ERN1: variants seen among roughly 807,000 people sequenced by gnomAD.
ERN1 encodes the protein endoplasmic reticulum to nucleus signaling 1.
Under a neutral mutation model 113.1 loss-of-function variants are expected in ERN1, and 39 were observed. The ratio of observed to expected loss-of-function variants is 0.34; its 90% CI spans 0.27 to 0.45. The LOEUF is 0.45. ERN1 is among the 20% of genes least tolerant of loss of function. The probability of loss-of-function intolerance (pLI) is 1.00; values close to 1 mark genes in which losing one functional copy is unlikely to be tolerated. For missense variants in ERN1, 976 were observed against 1,274.8 expected (o/e 0.77, Z 3.57); for synonymous variants, 507 against 515.9 (o/e 0.98, Z 0.23).
Position 64,054,645 on chromosome 17 carries a change from C to A in ERN1, c.1763+93G>T. 9.0e-7 allele frequency: 1 copy of A among 1,107,998 alleles called. No individual in the cohort carries two copies. The highest frequency in any genetic ancestry group is 1.5e-5 in the South Asian group (1 of 67,336). The allele number at this position is 1,107,998 out of a possible 1,614,324, so 68.6% of individuals were successfully genotyped here. On this transcript the variant is annotated intron_variant, in intron 14 of 21. Coordinates refer to ENST00000433197, the MANE Select transcript of ERN1 (RefSeq NM_001433.5). This position sits in a 1 kb window ranked among gnomAD's most constrained non-coding sequence, Gnocchi z 4.9. ...CCATGCGTCTAGGTCACTGCTTTGACCCTGCTGTGCTCTGAGCCTGGCACC... is the reference window on the plus strand; with the variant it reads ...CCATGCGTCTAGGTCACTGCTTTGAACCTGCTGTGCTCTGAGCCTGGCACC...
chr17:64,090,127 C>T (rs930418938), intron 2 of ERN1, among the ~76,000 whole-genome samples: 5 of 152,146 alleles, frequency 3.3e-5, no homozygotes, highest in Admixed American at 2.6e-4. Context: ...AATTTTAAGA[C>T]AGAAAGTCTC....
Position 64,054,779 on chromosome 17 carries a change from C to A in ERN1, c.1722G>T (p.Lys574Asn). Residue 574 changes from lysine to asparagine, a missense_variant, in exon 14 of 22, where the codon AAG (lysine) becomes AAT (asparagine). Lys to Asn is a moderately conservative substitution (Grantham distance 94). Around this residue, in one of 5 missense-constraint regions of ERN1, gnomAD observed 112 missense variants for 106.2 expected, o/e 1.05. Coordinates refer to ENST00000433197, the MANE Select transcript of ERN1 (RefSeq NM_001433.5). This position sits in a 1 kb window ranked among gnomAD's most constrained non-coding sequence, Gnocchi z 4.9. ...CCTCAGCTCCATGGCCCAGGACATC[C>A]TTGGGACAGAAGGAAATTTTCCCAA... ...VIVGKISFCP[K>N]DVLGHGAEGT... The A allele has an allele frequency of 6.2e-7, 1 of 1,610,564 alleles. No homozygotes were observed. Among genetic ancestry groups the A allele is most frequent in the Non-Finnish European group, 8.5e-7 (1 of 1,178,748 alleles).
Position 64,065,300 on chromosome 17 carries a change from C to CA in ERN1, c.843-14dup, listed in dbSNP as rs1679506975. ...ATACAGAGTGGGCCTAGGAGAAAAA[C>CA]AGATACATGCATTCCAGAGTCATTG... On this transcript the variant is annotated splice_polypyrimidine_tract_variant and intron_variant, in intron 8 of 21. Coordinates refer to ENST00000433197, the MANE Select transcript of ERN1 (RefSeq NM_001433.5). 2 of 1,564,824 alleles carry CA rather than the reference C, an allele frequency of 1.3e-6. No homozygotes were observed. The highest frequency in any genetic ancestry group is 2.7e-5 in the African/African-American group (2 of 73,712).
At chr17:64,102,674 T>C in intron 1 of ERN1, 1 of 985,432 alleles carries the variant, frequency 1.0e-6, no homozygotes, top group Non-Finnish European at 1.2e-6. Flanking sequence ...TATTTGTACC[T>C]GAACACTGAA....
At position 64,102,636 on chromosome 17, in the gene ERN1, T is replaced by C. The variant is rs904839615; in HGVS notation, c.55-4395A>G. On this transcript the variant is annotated intron_variant, in intron 1 of 21. Coordinates refer to ENST00000433197, the MANE Select transcript of ERN1 (RefSeq NM_001433.5). ...TGAATTAAACATGTTTCCAGATGCC[T>C]TGTGTGATACTGAGCACAGCTGAGA... 1.3e-5 allele frequency: 13 copies of C among 981,228 alleles called. No individual in the cohort carries two copies. In the Admixed American group the frequency reaches 2.5e-4, roughly 19 times the overall value. 60.8% of individuals were successfully genotyped at this position (981,228 alleles called of 1,614,324 possible).
chr17:64,111,347 G>A (rs576510489), intron 1 of ERN1, among the ~76,000 whole-genome samples: 1 of 151,008 alleles, frequency 6.6e-6, no homozygotes, highest in South Asian at 2.1e-4. Flanking sequence ...TAGCCTGGAG[G>A]TCATCCAATG....
At chr17:64,126,946 C>T (rs1422177172) in intron 1 of ERN1, among the ~76,000 whole-genome samples, 1 of 152,150 alleles carries the variant, frequency 6.6e-6, no homozygotes, top group Non-Finnish European at 1.5e-5. Flanking sequence ...CTTTGCCTCA[C>T]ATTGTACTGA....
chr17:64,097,736 A>C (rs1022305374), intron 2 of ERN1, among the ~76,000 whole-genome samples: 1 of 152,224 alleles, frequency 6.6e-6, no homozygotes, highest in South Asian at 2.1e-4. Flanking sequence ...CAAATGAGTA[A>C]TTTGAGGTGT....
intron 20 of ERN1, 74 bp downstream of exon 20, chr17:64,045,285 T>C: frequency 6.3e-7 from 1 of 1,592,222 alleles, no homozygotes; most frequent in South Asian, 1.1e-5. Context: ...GGAGCGGCCA[T>C]TTCCACGTTT....
intron 1 of ERN1, among the ~76,000 whole-genome samples, chr17:64,122,107 C>T (rs901411800): frequency 1.3e-5 from 2 of 152,212 alleles, no homozygotes; most frequent in African/African-American, 4.8e-5. Flanking sequence ...CCAACATACG[C>T]ACCAGAACAT....
rs196914 is a variant in ERN1 at position 64,044,594 on chromosome 17, C to T, written c.2721+266G>A. On this transcript the variant is annotated intron_variant, in intron 21 of 21. Transcript: ENST00000433197. The surrounding 1 kb of genome is among the most constrained non-coding windows in gnomAD (Gnocchi z 4.1). ...GCTGCATCAGACAGGGAGAGGGCCCCACAAAAGTCAGCGACCAGAGACCAT... is the reference window on the plus strand; with the variant it reads ...GCTGCATCAGACAGGGAGAGGGCCCTACAAAAGTCAGCGACCAGAGACCAT... 0.45 allele frequency among the ~76,000 whole-genome samples: 68,819 copies of T among 152,166 alleles called. 18,927 individuals carry two copies. Among genetic ancestry groups the T allele is most frequent in the Non-Finnish European group, 0.62 (42,048 of 67,996 alleles).
intron 1 of ERN1, among the ~76,000 whole-genome samples, chr17:64,100,677 A>G (rs993609245): frequency 1.3e-5 from 2 of 152,180 alleles, no homozygotes; most frequent in African/African-American, 4.8e-5. Context: ...AGGCTGAGGC[A>G]GGAGAATTGC....
At chr17:64,093,020 G>A (rs768842965) in intron 2 of ERN1, among the ~76,000 whole-genome samples, 5 of 152,042 alleles carry the variant, frequency 3.3e-5, no homozygotes, top group East Asian at 1.9e-4. Flanking sequence ...AAAACAAAAC[G>A]CATTTTCTCT....
intron 7 of ERN1, chr17:64,067,899 G>A (rs1913285519): frequency 3.2e-6 from 1 of 315,336 alleles, no homozygotes. Flanking sequence ...TACTTTCCAT[G>A]GGCTTGCAGT....
chr17:64,071,317 A>G (rs532678106), intron 6 of ERN1, among the ~76,000 whole-genome samples: 1 of 152,368 alleles, frequency 6.6e-6, no homozygotes, highest in East Asian at 1.9e-4. Context: ...CCAGATAGGC[A>G]AAAACAGGCA....
chr17:64,049,258 ACAGT>A lies in ERN1; in HGVS notation c.2254-60_2254-57del. ...GGGAGCAGAGTTTTCATCCTCACTC[ACAGT>A]CAGGGAGGGAGGAGCATTGCTGCTG... On this transcript the variant is annotated intron_variant, in intron 17 of 21. Coordinates refer to ENST00000433197, the MANE Select transcript of ERN1 (RefSeq NM_001433.5). This position sits in a 1 kb window ranked among gnomAD's most constrained non-coding sequence, Gnocchi z 4.7. 1 of 1,482,862 alleles carries A rather than the reference ACAGT, an allele frequency of 6.7e-7. No individual in the cohort carries two copies. The highest frequency in any genetic ancestry group is 9.1e-7 in the Non-Finnish European group (1 of 1,093,636). The allele number at this position is 1,482,862 out of a possible 1,614,324, so 91.9% of individuals were successfully genotyped here.
chr17:64,108,845 G>A (rs537134298), intron 1 of ERN1, among the ~76,000 whole-genome samples: 2 of 152,202 alleles, frequency 1.3e-5, no homozygotes, highest in Non-Finnish European at 2.9e-5. Flanking sequence ...AGTCCTGGCC[G>A]GGTGCAGTAG....
At chr17:64,051,584 T>C (rs1912685681) in intron 17 of ERN1, among the ~76,000 whole-genome samples, 1 of 152,176 alleles carries the variant, frequency 6.6e-6, no homozygotes, top group African/African-American at 2.4e-5. Context: ...AACGCTGTCA[T>C]GAGGAAAAAA....
intron 1 of ERN1, among the ~76,000 whole-genome samples, chr17:64,116,818 A>G (rs1041458820): frequency 2.6e-5 from 4 of 152,030 alleles, no homozygotes; most frequent in Admixed American, 1.3e-4. Flanking sequence ...AAAAATCAAC[A>G]ACGTGGCCGG....
Sources: allele counts gnomAD v4.1 joint callset (sites outside exome capture counted in the v4.1 genomes callset), GRCh38; gene constraint gnomAD v4.1.1; regional missense constraint gnomAD v4.1.1; non-coding constraint Gnocchi (gnomAD v3.1); transcripts MANE v1.5; gene names NCBI Gene and HGNC (gene_info 2026-07-23, HGNC 2026-07-21).